Variants in ULK4 observed in about 807,000 individuals in gnomAD.
ULK4 encodes unc-51 like kinase 4, also known as inactive serine/threonine-protein kinase ULK4.
In ULK4, 133 loss-of-function variants were observed where a neutral mutation model predicts 160.6. That is an observed-to-expected ratio of 0.83 (90% CI 0.72 to 0.96). ULK4 has a LOEUF of 0.96. Among genes scored for constraint, ULK4 ranks in the 40% least tolerant of loss-of-function variants. The pLI is 0.00. For missense variants in ULK4, 1,580 were observed against 1,499.5 expected, an observed-to-expected ratio of 1.05 and a Z score of -0.89; for synonymous variants, 534 against 539.8, an observed-to-expected ratio of 0.99 and a Z score of 0.15.
chr3:41,259,174 A>G (rs1194895491), intron 35 of ULK4, among the ~76,000 whole-genome samples: 1 of 151,972 alleles, frequency 6.6e-6, no homozygotes, highest in Non-Finnish European at 1.5e-5. Flanking sequence ...AATTTTATGC[A>G]AACTCTGCTA....
At chr3:41,538,907 A>G (rs1327110929) in intron 32 of ULK4, among the ~76,000 whole-genome samples, 1 of 151,856 alleles carries the variant, frequency 6.6e-6, no homozygotes, top group Non-Finnish European at 1.5e-5. Flanking sequence ...TCAACTTTTT[A>G]TCTATTTTTT....
chr3:41,337,319 T>C (rs371607666), intron 35 of ULK4, among the ~76,000 whole-genome samples: 1 of 151,964 alleles, frequency 6.6e-6, no homozygotes, highest in Non-Finnish European at 1.5e-5. Flanking sequence ...CTGTATGAGG[T>C]TGGGATGAGA....
rs115314452 is a variant in ULK4, at chr3:41,726,767, C to T, written c.2322-8906G>A. ...CTCTGATTACAAGTATGCGCCACCA[C>T]GCCAGGCTAATTTTTGTATTTTTGT... On this transcript the variant is annotated intron_variant, in intron 22 of 36. Coordinates refer to ENST00000301831, the MANE Select transcript of ULK4 (RefSeq NM_017886.4). Among the ~76,000 whole-genome samples, 1,126 of 152,230 alleles carry T rather than the reference C, an allele frequency of 7.4e-3. 12 individuals are homozygous for T. The highest frequency in any genetic ancestry group is 0.026 in the African/African-American group (1,087 of 41,528).
At chr3:41,646,143 T>A (rs1023016642) in intron 30 of ULK4, among the ~76,000 whole-genome samples, 1 of 152,224 alleles carries the variant, frequency 6.6e-6, no homozygotes, top group African/African-American at 2.4e-5. Flanking sequence ...TGACTCTTTA[T>A]CCAATCTGCC....
intron 32 of ULK4, among the ~76,000 whole-genome samples, chr3:41,547,920 C>T (rs2086920313): frequency 6.6e-6 from 1 of 152,196 alleles, no homozygotes; most frequent in South Asian, 2.1e-4. Context: ...ACATGCACTC[C>T]TCAGAGACTG....
chr3:41,840,097 G>A (rs1480331951), intron 17 of ULK4, among the ~76,000 whole-genome samples: 3 of 151,990 alleles, frequency 2.0e-5, no homozygotes, highest in African/African-American at 7.3e-5. Context: ...ATATGGAAAG[G>A]CAAAAGAATT....
At chr3:41,546,917 C>T (rs1795332) in intron 32 of ULK4, among the ~76,000 whole-genome samples, 63,486 of 151,860 alleles carry the variant, frequency 0.42, 14,722 homozygotes, top group Non-Finnish European at 0.51. Flanking sequence ...AAGAGGTCAG[C>T]TATCATTTGT....
At chr3:41,610,941 A>T (rs1024655413) in intron 31 of ULK4, among the ~76,000 whole-genome samples, 1 of 152,266 alleles carries the variant, frequency 6.6e-6, no homozygotes, top group African/African-American at 2.4e-5. Flanking sequence ...AAATGAAGAA[A>T]GATTAGAGTT....
At chr3:41,790,365 G>T (rs764881004) in intron 20 of ULK4, among the ~76,000 whole-genome samples, 2 of 152,348 alleles carry the variant, frequency 1.3e-5, no homozygotes, top group Admixed American at 1.3e-4. Flanking sequence ...CATATAGCTA[G>T]TAAGTAGCAA....
chr3:41,842,508 T>C (rs2041959741), intron 17 of ULK4, among the ~76,000 whole-genome samples: 1 of 152,210 alleles, frequency 6.6e-6, no homozygotes, highest in Admixed American at 6.5e-5. Flanking sequence ...CCCTCATGAA[T>C]GGCTTAATGC....
At chr3:41,836,989 G>A (rs1270582026) in intron 17 of ULK4, among the ~76,000 whole-genome samples, 1 of 152,190 alleles carries the variant, frequency 6.6e-6, no homozygotes, top group Non-Finnish European at 1.5e-5. Flanking sequence ...TACTCTCAAT[G>A]TGACTCAAAG....
At chr3:41,304,198 A>G (rs1319946038) in intron 35 of ULK4, among the ~76,000 whole-genome samples, 2 of 147,570 alleles carry the variant, frequency 1.4e-5, no homozygotes, top group Non-Finnish European at 3.0e-5. Context: ...GCTTGAGCCC[A>G]GGAGACGGAG....
At chr3:41,672,978 C>T (rs9875944) in intron 29 of ULK4, among the ~76,000 whole-genome samples, 15,690 of 152,026 alleles carry the variant, frequency 0.1, 1,801 homozygotes, top group African/African-American at 0.28. Context: ...GCTAGGACTA[C>T]AGGCACACAT....
chr3:41,712,300 C>G (rs977108070), intron 25 of ULK4, among the ~76,000 whole-genome samples: 1 of 152,044 alleles, frequency 6.6e-6, no homozygotes, highest in Non-Finnish European at 1.5e-5. Context: ...CCAGTCTGCT[C>G]CTTAAGAACC....
intron 29 of ULK4, among the ~76,000 whole-genome samples, chr3:41,679,535 T>C (rs2035852446): frequency 6.6e-6 from 1 of 152,238 alleles, no homozygotes; most frequent in East Asian, 1.9e-4. Flanking sequence ...TTTATGTTAT[T>C]GAACTGCCAT....
intron 16 of ULK4, among the ~76,000 whole-genome samples, chr3:41,892,659 G>A (rs569636114): frequency 1.3e-5 from 2 of 152,264 alleles, no homozygotes; most frequent in South Asian, 4.1e-4. Flanking sequence ...AAAACTTGAG[G>A]AAGTTACATT....
At chr3:41,680,624 C>G (rs2035893681) in intron 29 of ULK4, among the ~76,000 whole-genome samples, 3 of 152,134 alleles carry the variant, frequency 2.0e-5, no homozygotes, top group Non-Finnish European at 4.4e-5. Context: ...AATGTAATTA[C>G]ATCTGATTTC....
intron 35 of ULK4, among the ~76,000 whole-genome samples, chr3:41,304,331 T>C (rs934720367): frequency 3.4e-5 from 5 of 147,402 alleles, no homozygotes; most frequent in African/African-American, 1.3e-4. Context: ...GGCAACTCAG[T>C]ATGATATGTA....
chr3:41,487,244 A>G (rs2084571804), intron 32 of ULK4, among the ~76,000 whole-genome samples: 1 of 152,198 alleles, frequency 6.6e-6, no homozygotes, highest in South Asian at 2.1e-4. Flanking sequence ...AAGACCTTCA[A>G]TTAAAAGTAT....
Sources: allele counts gnomAD v4.1 joint callset (sites outside exome capture counted in the v4.1 genomes callset), GRCh38; gene constraint gnomAD v4.1.1; transcripts MANE v1.5; gene names NCBI Gene and HGNC (gene_info 2026-07-23, HGNC 2026-07-21).